Variants in AKAP7 observed in about 807,000 individuals in gnomAD.
AKAP7 encodes A-kinase anchoring protein 7.
A neutral mutation model predicts 39.5 loss-of-function variants in AKAP7; 39 were observed. The observed-to-expected ratio is 0.99, with a 90% CI of 0.76 to 1.29. The LOEUF (loss-of-function observed/expected upper bound fraction) is 1.29. Ranked by LOEUF, AKAP7 falls within the 50% of genes most tolerant of loss-of-function variation. AKAP7 has a pLI of 0.00. For synonymous variants in AKAP7, 140 were observed against 139.1 expected (o/e 1.01, Z -0.05); for missense variants, 414 against 407.7 (o/e 1.02, Z -0.13).
At chr6:131,277,063 G>A (rs917628935) in intron 7 of AKAP7, among the ~76,000 whole-genome samples, 2 of 152,086 alleles carry the variant, frequency 1.3e-5, no homozygotes, top group Non-Finnish European at 2.9e-5. Context: ...GCAATGATTT[G>A]GTATCAGAGA....
rs1369758198 is a variant in AKAP7 at position 131,283,102 on chromosome 6, C to A, written c.*1376C>A. The A allele has an allele frequency of 6.5e-6, 1 of 152,696 alleles. No homozygotes were observed. The highest frequency in any genetic ancestry group is 2.4e-5 in the African/African-American group (1 of 41,430). 9.5% of individuals were successfully genotyped at this position (152,696 alleles called of 1,614,324 possible). A position where few individuals can be genotyped will look rare whatever the true frequency, so the allele number is the denominator to read the frequency against. On this transcript the variant is annotated 3_prime_UTR_variant, in exon 8 of 8. Transcript: ENST00000431975. ...TGAACATTTATAAATGTAATTATTG[C>A]GATCACTGGTTAAGAATGTTTTATA... is the stretch of plus-strand genomic sequence containing the variant.
In AKAP7 at chr6:131,175,869, CA is replaced by C. The variant is rs545405817; in HGVS notation, c.589+6598del. 5.3e-5 allele frequency among the ~76,000 whole-genome samples: 8 copies of C among 152,236 alleles called. No homozygotes were observed. The South Asian group carries it at 1.7e-3, about 32-fold the overall frequency. On this transcript the variant is annotated intron_variant, in intron 5 of 7. Coordinates refer to ENST00000431975, the MANE Select transcript of AKAP7 (RefSeq NM_016377.4). ...TGCCATTAGATCATACTTTTTAATT[CA>C]ATTGTACTTCTCCACAACTATCCAC...
At chr6:131,237,821 A>G (rs1811198394) in intron 7 of AKAP7, among the ~76,000 whole-genome samples, 2 of 152,002 alleles carry the variant, frequency 1.3e-5, no homozygotes, top group Admixed American at 1.3e-4. Flanking sequence ...TCTTGCTAGC[A>G]GTCTATCAAT....
At chr6:131,129,954 A>T in the AKAP7 span, among the ~76,000 whole-genome samples, 1 of 152,224 alleles carries the variant, frequency 6.6e-6, no homozygotes, top group African/African-American at 2.4e-5. Flanking sequence ...TTTTGGTAGA[A>T]ATTCACTAGG....
At chr6:131,195,971 G>T (rs946797295) in intron 5 of AKAP7, among the ~76,000 whole-genome samples, 5 of 152,018 alleles carry the variant, frequency 3.3e-5, no homozygotes, top group Non-Finnish European at 7.4e-5. Flanking sequence ...TCTTGTACTT[G>T]AATATTGACG....
chr6:131,256,734 T>A (rs950952498), intron 7 of AKAP7, among the ~76,000 whole-genome samples: 1 of 144,932 alleles, frequency 6.9e-6, no homozygotes, highest in African/African-American at 2.5e-5. Context: ...ATTATTATTA[T>A]TAAAGAGATG....
At chr6:131,259,343 C>T (rs1440981596) in intron 7 of AKAP7, among the ~76,000 whole-genome samples, 1 of 152,010 alleles carries the variant, frequency 6.6e-6, no homozygotes, top group Non-Finnish European at 1.5e-5. Context: ...GGAGTGTGAC[C>T]TGAGGGAGGC....
intron 6 of AKAP7, among the ~76,000 whole-genome samples, chr6:131,206,399 TG>T (rs1431206850): frequency 6.6e-6 from 1 of 152,188 alleles, no homozygotes; most frequent in East Asian, 1.9e-4. Context: ...TAGACTGGTT[TG>T]TTTTGAGGGC....
At chr6:131,258,455 C>T (rs769279969) in intron 7 of AKAP7, among the ~76,000 whole-genome samples, 2 of 152,278 alleles carry the variant, frequency 1.3e-5, no homozygotes, top group East Asian at 3.9e-4. Context: ...TTAATTACTA[C>T]CCAAATTGGA....
chr6:131,181,552 C>A (rs1805245748), intron 5 of AKAP7, among the ~76,000 whole-genome samples: 1 of 152,148 alleles, frequency 6.6e-6, no homozygotes. Flanking sequence ...ATGCTCCCTG[C>A]TTAAAAGAAT....
At chr6:131,245,233 G>C (rs987786352) in intron 7 of AKAP7, among the ~76,000 whole-genome samples, 8 of 151,072 alleles carry the variant, frequency 5.3e-5, no homozygotes. Context: ...TGATTATTGA[G>C]AGTTGAATTC....
intron 5 of AKAP7, among the ~76,000 whole-genome samples, chr6:131,193,255 C>G (rs1806590105): frequency 6.6e-6 from 1 of 151,968 alleles, no homozygotes; most frequent in Non-Finnish European, 1.5e-5. Context: ...TATGTTCCTT[C>G]TATACACAGT....
Position 131,280,524 on chromosome 6 carries a change from ATGCAAG to A in AKAP7, c.851-1000_851-995del, listed in dbSNP as rs528250477. Among the ~76,000 whole-genome samples the A allele has an allele frequency of 6.0e-3, 915 of 152,320 alleles. 2 individuals are homozygous for A. Among genetic ancestry groups the A allele is most frequent in the Middle Eastern group, 0.017 (5 of 294 alleles). On this transcript the variant is annotated intron_variant, in intron 7 of 7. Coordinates refer to ENST00000431975, the MANE Select transcript of AKAP7 (RefSeq NM_016377.4). ...GTATCTGCCTGTCTCAGACCCAGAGATGCAAGTGCAACACTCACTGGCTTTGCCTTC... is the reference window on the plus strand; with the variant it reads ...GTATCTGCCTGTCTCAGACCCAGAGATGCAACACTCACTGGCTTTGCCTTC...
chr6:131,215,913 G>A (rs973799172), intron 6 of AKAP7, among the ~76,000 whole-genome samples: 4 of 152,168 alleles, frequency 2.6e-5, no homozygotes, highest in Admixed American at 1.3e-4. Context: ...CAGGAAATGT[G>A]TATTTCTTTT....
intron 7 of AKAP7, among the ~76,000 whole-genome samples, chr6:131,231,982 G>A (rs1196169991): frequency 1.3e-5 from 2 of 152,174 alleles, no homozygotes; most frequent in Admixed American, 1.3e-4. Context: ...GCCAAAGTTA[G>A]ACGAAGCTTT....
intron 6 of AKAP7, among the ~76,000 whole-genome samples, chr6:131,211,962 C>T (rs1292715257): frequency 6.6e-6 from 1 of 152,124 alleles, no homozygotes; most frequent in Non-Finnish European, 1.5e-5. Flanking sequence ...CCTAAATGTG[C>T]TCAGAACACT....
At chr6:131,168,916 C>G (rs1584997689) in intron 4 of AKAP7, among the ~76,000 whole-genome samples, 197 bp from the exon 5 acceptor site, 1 of 151,998 alleles carries the variant, frequency 6.6e-6, no homozygotes, top group African/African-American at 2.4e-5. Context: ...GTAAAGATTT[C>G]TTTACTTCTT....
chr6:131,132,192 G>A (rs1412765310), upstream of AKAP7, among the ~76,000 whole-genome samples: 2 of 151,870 alleles, frequency 1.3e-5, no homozygotes, highest in Non-Finnish European at 2.9e-5. Flanking sequence ...GGGCGCCTGT[G>A]GTCCCATCTA....
chr6:131,276,406 G>A (rs1486659667), intron 7 of AKAP7, among the ~76,000 whole-genome samples: 1 of 151,984 alleles, frequency 6.6e-6, no homozygotes, highest in East Asian at 1.9e-4. Flanking sequence ...TGCACTTGAG[G>A]ATGATTCCTG....
Sources: allele counts gnomAD v4.1 joint callset (sites outside exome capture counted in the v4.1 genomes callset), GRCh38; gene constraint gnomAD v4.1.1; transcripts MANE v1.5; gene names NCBI Gene and HGNC (gene_info 2026-07-23, HGNC 2026-07-21).